Variants in NCOA2 observed in about 807,000 individuals in gnomAD.
The protein encoded by NCOA2 is nuclear receptor coactivator 2, also known as class E basic helix-loop-helix protein 75.
A neutral mutation model predicts 145.1 loss-of-function variants in NCOA2; 21 were observed. That is an observed-to-expected ratio of 0.14 (90% confidence interval 0.10 to 0.21). NCOA2 has a LOEUF of 0.21. Among genes scored for constraint, NCOA2 ranks in the 10% least tolerant of loss-of-function variants. NCOA2 has a pLI of 1.00. For missense variants in NCOA2, 1,472 were observed against 1,837.6 expected, an observed-to-expected ratio of 0.80 and a Z score of 3.64; for synonymous variants, 619 against 637.5, an observed-to-expected ratio of 0.97 and a Z score of 0.44.
At chr8:70,129,387 G>A (rs188160867) in intron 16 of NCOA2, among the ~76,000 whole-genome samples, 148 of 152,202 alleles carry the variant, frequency 9.7e-4, no homozygotes, top group African/African-American at 3.2e-3. Flanking sequence ...TAACCTCTTT[G>A]GCACCTGACT....
chr8:70,417,944 G>T, the NCOA2 span, among the ~76,000 whole-genome samples: 6 of 152,130 alleles, frequency 3.9e-5, no homozygotes, highest in East Asian at 1.9e-4. Context: ...TGGCCAGGTC[G>T]CAATCTTAAC....
chr8:70,427,357 T>G, the NCOA2 span, among the ~76,000 whole-genome samples: 1 of 152,154 alleles, frequency 6.6e-6, no homozygotes, highest in Non-Finnish European at 1.5e-5. Context: ...TATCATCAGG[T>G]AGAGAATTAT....
chr8:70,278,683 T>C (rs1825647031), intron 2 of NCOA2, among the ~76,000 whole-genome samples: 1 of 152,116 alleles, frequency 6.6e-6, no homozygotes, highest in South Asian at 2.1e-4. Context: ...AATGAATGAA[T>C]TGGCTTGGGA....
intron 2 of NCOA2, among the ~76,000 whole-genome samples, chr8:70,287,809 G>A (rs1469618702): frequency 1.3e-5 from 2 of 152,182 alleles, no homozygotes; most frequent in Non-Finnish European, 2.9e-5. Flanking sequence ...GACCCTCACT[G>A]TAGAGAAAAT....
At chr8:70,348,117 A>C (rs1487965955) in intron 1 of NCOA2, among the ~76,000 whole-genome samples, 1 of 152,238 alleles carries the variant, frequency 6.6e-6, no homozygotes, top group Non-Finnish European at 1.5e-5. Context: ...TACAATACAA[A>C]GTGAGGTAGG....
At chr8:70,193,471 A>G (rs1281827236) in intron 4 of NCOA2, among the ~76,000 whole-genome samples, 1 of 152,242 alleles carries the variant, frequency 6.6e-6, no homozygotes, top group Non-Finnish European at 1.5e-5. Context: ...CTTCCATATT[A>G]TCTAAGAGAC....
intron 8 of NCOA2, 43 bp downstream of exon 8, chr8:70,163,422 T>C: frequency 7.0e-7 from 1 of 1,421,540 alleles, no homozygotes; most frequent in Non-Finnish European, 9.9e-7. Flanking sequence ...TATGTAAGTA[T>C]TCTAAAATGA....
At chr8:70,381,548 A>C (rs1187792909) in intron 1 of NCOA2, among the ~76,000 whole-genome samples, 1 of 152,220 alleles carries the variant, frequency 6.6e-6, no homozygotes, top group Non-Finnish European at 1.5e-5. Flanking sequence ...TAATCATGGA[A>C]AAGTATGTTT....
At chr8:70,408,344 C>A (rs1814813183), upstream of NCOA2, among the ~76,000 whole-genome samples, 1 of 152,124 alleles carries the variant, frequency 6.6e-6, no homozygotes, top group South Asian at 2.1e-4. Flanking sequence ...AATTGTATTT[C>A]TTCTGTATGT....
chr8:70,158,057 C>A (rs1019125072), intron 10 of NCOA2, among the ~76,000 whole-genome samples: 2 of 152,220 alleles, frequency 1.3e-5, no homozygotes, highest in Non-Finnish European at 2.9e-5. Flanking sequence ...AATGTGTTCA[C>A]AAATCCAAAT....
At chr8:70,424,433 T>C in the NCOA2 span, 1 of 475,192 alleles carries the variant, frequency 2.1e-6, no homozygotes, top group Non-Finnish European at 4.2e-6. Context: ...GAGGTTAGTG[T>C]CTGCTTTCTC....
intron 11 of NCOA2, among the ~76,000 whole-genome samples, chr8:70,153,134 C>T (rs1211069901): frequency 6.6e-6 from 1 of 152,180 alleles, no homozygotes; most frequent in Non-Finnish European, 1.5e-5. Flanking sequence ...GTTAAAATTG[C>T]TCTAAAGCAG....
intron 1 of NCOA2, among the ~76,000 whole-genome samples, chr8:70,320,436 C>A (rs1014003077): frequency 6.6e-6 from 1 of 152,052 alleles, no homozygotes; most frequent in Non-Finnish European, 1.5e-5. Flanking sequence ...AGAGAAAAAA[C>A]TCTTTATGCA....
intron 1 of NCOA2, among the ~76,000 whole-genome samples, chr8:70,313,540 T>C (rs1233154611): frequency 6.6e-6 from 1 of 152,076 alleles, no homozygotes; most frequent in Non-Finnish European, 1.5e-5. Flanking sequence ...TTTGAGAAAA[T>C]AAGAAATTGT....
chr8:70,146,159 A>G (rs1018559366), intron 12 of NCOA2, among the ~76,000 whole-genome samples: 2 of 152,224 alleles, frequency 1.3e-5, no homozygotes, highest in Non-Finnish European at 2.9e-5. Flanking sequence ...CTCTCATTAG[A>G]AGTTAAAAAT....
At chr8:70,376,964 G>C (rs1833900116) in intron 1 of NCOA2, among the ~76,000 whole-genome samples, 1 of 152,082 alleles carries the variant, frequency 6.6e-6, no homozygotes, top group African/African-American at 2.4e-5. Flanking sequence ...AGCTAACACT[G>C]CTAACACATG....
chr8:70,320,662 A>C (rs917070934), intron 1 of NCOA2, among the ~76,000 whole-genome samples: 1 of 152,210 alleles, frequency 6.6e-6, no homozygotes, highest in Non-Finnish European at 1.5e-5. Flanking sequence ...CAAGGAAATT[A>C]AAAGTTTTTC....
intron 4 of NCOA2, among the ~76,000 whole-genome samples, chr8:70,203,664 T>C (rs1415028986): frequency 1.3e-5 from 2 of 152,204 alleles, no homozygotes; most frequent in East Asian, 3.8e-4. Flanking sequence ...TAAACAGTGG[T>C]ATTTGTGCTC....
Position 70,156,850 on chromosome 8 carries a change from A to G in NCOA2, c.1515T>C (p.Ser505=). ...GVAGSPRIPP[S]QFSPAGSLHS... is the part of the protein sequence containing the mutation. ...GCAAGCTTCCTGCAGGGGAAAACTG[A>G]CTGGGTGGGATTCGAGGGCTGCCAG... Residue 505 remains serine, a synonymous_variant, in exon 11 of 23, where the codon AGT becomes AGC. Transcript: ENST00000452400. 6.2e-7 allele frequency: 1 copy of G among 1,613,944 alleles called. No homozygotes were observed. The highest frequency in any genetic ancestry group is 2.2e-5 in the East Asian group (1 of 44,880).
Sources: allele counts gnomAD v4.1 joint callset (sites outside exome capture counted in the v4.1 genomes callset), GRCh38; gene constraint gnomAD v4.1.1; transcripts MANE v1.5; gene names NCBI Gene and HGNC (gene_info 2026-07-23, HGNC 2026-07-21).